The following ARHGEF10L variants were observed in gnomAD, a reference collection of about 807,000 sequenced individuals.
The protein encoded by ARHGEF10L is rho guanine nucleotide exchange factor 10-like protein.
In ARHGEF10L, 69 loss-of-function variants were observed where a neutral mutation model predicts 141.2. That is an observed-to-expected ratio of 0.49 (90% CI 0.40 to 0.60). ARHGEF10L has a LOEUF of 0.60. Among genes scored for constraint, ARHGEF10L ranks in the 20% least tolerant of loss-of-function variants. The pLI is 0.00. For synonymous variants in ARHGEF10L, 711 were observed against 718.5 expected, an observed-to-expected ratio of 0.99 and a Z score of 0.17; for missense variants, 1,482 against 1,734.3, an observed-to-expected ratio of 0.85 and a Z score of 2.58.
chr1:17,561,728 C>T (rs1276211661), intron 1 of ARHGEF10L, among the ~76,000 whole-genome samples: 1 of 152,250 alleles, frequency 6.6e-6, no homozygotes, highest in African/African-American at 2.4e-5. Flanking sequence ...ACATGACTCA[C>T]AAGGCTGGCC....
At chr1:17,614,224 C>G (rs1289736673) in intron 8 of ARHGEF10L, among the ~76,000 whole-genome samples, 2 of 143,186 alleles carry the variant, frequency 1.4e-5, no homozygotes, top group African/African-American at 5.7e-5. Context: ...GGAGAGCAGA[C>G]CCTTTACAGT....
At chr1:17,587,076 A>G (rs1383296488) in intron 2 of ARHGEF10L, among the ~76,000 whole-genome samples, 1 of 152,248 alleles carries the variant, frequency 6.6e-6, no homozygotes, top group Non-Finnish European at 1.5e-5. Flanking sequence ...CACAAAGCAC[A>G]CAGACACATC....
chr1:17,689,525 T>TCCCTCCCTGCCTCCCTCCCTCCC (rs1262638017), intron 27 of ARHGEF10L, among the ~76,000 whole-genome samples: 1 of 338 alleles, frequency 3.0e-3, no homozygotes, highest in African/African-American at 0.014. Context: ...CCTCCCTCTC[T>TCCCTCCCTGCCTCCCTCCCTCCC]TCTTCCCTCC....
the ARHGEF10L span, among the ~76,000 whole-genome samples, chr1:17,515,988 T>C: frequency 6.6e-6 from 1 of 152,252 alleles, no homozygotes; most frequent in African/African-American, 2.4e-5. Flanking sequence ...GAGCCCAGCA[T>C]GGTACTGCTT....
At chr1:17,563,293 G>A (rs2077618681) in intron 1 of ARHGEF10L, among the ~76,000 whole-genome samples, 1 of 151,328 alleles carries the variant, frequency 6.6e-6, no homozygotes, top group Admixed American at 6.6e-5. Context: ...GGAGCGCAGT[G>A]GCGCCATCTT....
intron 16 of ARHGEF10L, chr1:17,634,124 A>G (rs866628352): frequency 1.4e-5 from 3 of 217,502 alleles, no homozygotes; most frequent in South Asian, 7.0e-5. Context: ...CACTCACTCA[A>G]TCAAAGAAGG....
rs887820671 is a variant in ARHGEF10L, at chr1:17,644,052, C to T, written c.2272+3750C>T. Among the ~76,000 whole-genome samples the T allele has an allele frequency of 5.3e-5, 8 of 152,214 alleles. No individual in the cohort carries two copies. Among genetic ancestry groups the T allele is most frequent in the Admixed American group, 2.0e-4 (3 of 15,288 alleles). On this transcript the variant is annotated intron_variant, in intron 21 of 28. Coordinates refer to ENST00000361221, the MANE Select transcript of ARHGEF10L (RefSeq NM_018125.4). This position sits in a 1 kb window ranked among gnomAD's most constrained non-coding sequence, Gnocchi z 4.5. ...AGCTGCATTGCTGCCTCTTACCCTCCCCGGGCCCTTGGAGCTCCTCCCACC... is the reference window on the plus strand; with the variant it reads ...AGCTGCATTGCTGCCTCTTACCCTCTCCGGGCCCTTGGAGCTCCTCCCACC...
rs142119320 is a variant in ARHGEF10L at position 17,573,232 on chromosome 1, C to T, written c.-43-7321C>T. Among the ~76,000 whole-genome samples, 2 of 152,348 alleles carry T rather than the reference C, an allele frequency of 1.3e-5. No homozygotes were observed. The highest frequency in any genetic ancestry group is 2.4e-5 in the African/African-American group (1 of 41,586). ...TCTCAGGCTGCCTGCAGCCTAAACACACTCTCATGCTAAGTGGCGAGGGCC... is the reference window on the plus strand; with the variant it reads ...TCTCAGGCTGCCTGCAGCCTAAACATACTCTCATGCTAAGTGGCGAGGGCC... On this transcript the variant is annotated intron_variant, in intron 1 of 28. Transcript: ENST00000361221. The surrounding 1 kb of genome is among the most constrained non-coding windows in gnomAD (Gnocchi z 4.8).
chr1:17,648,952 T>C (rs1256223929), intron 22 of ARHGEF10L, among the ~76,000 whole-genome samples: 2 of 152,224 alleles, frequency 1.3e-5, no homozygotes, highest in Non-Finnish European at 2.9e-5. Flanking sequence ...CATCTGTTGA[T>C]GGCATGGCTC....
At position 17,654,511 on chromosome 1, in the gene ARHGEF10L, T is replaced by C; in HGVS notation, c.2395-125T>C. 1.2e-6 allele frequency: 1 copy of C among 842,042 alleles called. No homozygotes were observed. Among genetic ancestry groups the C allele is most frequent in the Non-Finnish European group, 2.1e-6 (1 of 485,068 alleles). The allele number at this position is 842,042 out of a possible 1,614,324, so 52.2% of individuals were successfully genotyped here. ...GCAGGCACTCGTGAAGCATGTTGCT[T>C]TCCTGGCCCCCACCCACAGGGATTC... On this transcript the variant is annotated intron_variant, in intron 22 of 28. Coordinates refer to ENST00000361221, the MANE Select transcript of ARHGEF10L (RefSeq NM_018125.4). The surrounding 1 kb of genome is among the most constrained non-coding windows in gnomAD (Gnocchi z 4.3).
rs1383024935 is a variant in ARHGEF10L at position 17,634,972 on chromosome 1, A to G, written c.1883A>G (p.Gln628Arg). The G allele has an allele frequency of 6.2e-7, 1 of 1,614,096 alleles. No homozygotes were observed. Among genetic ancestry groups the G allele is most frequent in the African/African-American group, 1.3e-5 (1 of 75,020 alleles). Residue 628 changes from glutamine to arginine, a missense_variant, in exon 18 of 29, where the codon CAG (glutamine) becomes CGG (arginine). Gln to Arg is a conservative substitution (Grantham distance 43). This residue lies in a region of ARHGEF10L where 858 missense variants were observed against 966.3 expected (regional missense o/e 0.89). Transcript: ENST00000361221. ...TATGACAAGGACAATGTGCTCATCCAGCACTCAGGCGCCAAGAAGGCCTCT... is the reference window on the plus strand; with the variant it reads ...TATGACAAGGACAATGTGCTCATCCGGCACTCAGGCGCCAAGAAGGCCTCT... ...GTYDKDNVLI[Q>R]HSGAKKASAS... is the part of the protein sequence containing the mutation.
chr1:17,578,701 G>A (rs1248613723), intron 1 of ARHGEF10L, among the ~76,000 whole-genome samples: 1 of 151,798 alleles, frequency 6.6e-6, no homozygotes, highest in Non-Finnish European at 1.5e-5. Context: ...CTATCGATGG[G>A]GGCTATATAA....
At chr1:17,614,433 G>C (rs896282116) in intron 8 of ARHGEF10L, among the ~76,000 whole-genome samples, 5 of 152,184 alleles carry the variant, frequency 3.3e-5, no homozygotes, top group Admixed American at 6.5e-5. Flanking sequence ...ACCTTCTAGG[G>C]TGTTGGCCTG....
chr1:17,680,714 G>A (rs1050911012), intron 26 of ARHGEF10L, among the ~76,000 whole-genome samples: 73 of 151,858 alleles, frequency 4.8e-4, no homozygotes, highest in African/African-American at 1.6e-3. Context: ...TGGAGGAGGC[G>A]GGCACAACCC....
Position 17,664,468 on chromosome 1 carries a change from AGAGCCCTCCCGTGTGCCT to A in ARHGEF10L, c.2885_2902del (p.Ser962_Leu967del). 6.2e-7 allele frequency: 1 copy of A among 1,605,236 alleles called. No homozygotes were observed. Among genetic ancestry groups the A allele is most frequent in the Non-Finnish European group, 8.5e-7 (1 of 1,179,772 alleles). On this transcript the variant is annotated inframe_deletion, in exon 26 of 29. Transcript: ENST00000361221. ...GCAGGAGGTGTCCTGTGGGACCTGG[AGAGCCCTCCCGTGTGCCT>A]GACTGTGGGGCCCGGGCCTGTCCGC...
chr1:17,543,972 G>A (rs2076826311), intron 1 of ARHGEF10L, among the ~76,000 whole-genome samples: 1 of 150,224 alleles, frequency 6.7e-6, no homozygotes, highest in Non-Finnish European at 1.5e-5. Flanking sequence ...TTGAGATGGA[G>A]TTTCACTCTT....
At chr1:17,661,286 T>C (rs1198821492) in intron 25 of ARHGEF10L, among the ~76,000 whole-genome samples, 1 of 152,214 alleles carries the variant, frequency 6.6e-6, no homozygotes, top group South Asian at 2.1e-4. Context: ...CCATGTTGGC[T>C]AGGCTGGTCT....
chr1:17,592,114 A>G (rs1178243648), intron 4 of ARHGEF10L, among the ~76,000 whole-genome samples: 65 of 152,284 alleles, frequency 4.3e-4, no homozygotes, highest in Non-Finnish European at 1.5e-5. Flanking sequence ...CGTGGTTGAA[A>G]GAGCAGCCCT....
Position 17,697,313 on chromosome 1 carries a change from G to A in ARHGEF10L, c.3773G>A (p.Gly1258Glu), listed in dbSNP as rs747231907. 85 of 1,612,154 alleles carry A rather than the reference G, an allele frequency of 5.3e-5. No individual in the cohort carries two copies. The highest frequency in any genetic ancestry group is 6.5e-5 in the Non-Finnish European group (77 of 1,179,526). The change falls in exon 29 of 29, where the codon GGG becomes GAG. Residue 1258 changes from glycine (G) to glutamate (E), a missense_variant. Coordinates refer to ENST00000361221, the MANE Select transcript of ARHGEF10L (RefSeq NM_018125.4). This position sits in a 1 kb window ranked among gnomAD's most constrained non-coding sequence, Gnocchi z 4.8. ...RNFGSALGSS[G>E]RQAPCGETDS... ...TTTGGCAGCGCTCTGGGCAGCAGTG[G>A]GAGGCAGGCCCCGTGTGGGGAGACG... is the stretch of plus-strand genomic sequence containing the variant.
Sources: gnomAD v4.1 joint callset for allele counts (sites outside exome capture counted in the v4.1 genomes callset) on GRCh38, gnomAD v4.1.1 for gene constraint, gnomAD v4.1.1 regional missense constraint, Gnocchi (gnomAD v3.1) non-coding constraint, MANE v1.5 for transcripts, NCBI Gene and HGNC (gene_info 2026-07-23, HGNC 2026-07-21) for gene names.